SUPT3H: variants seen among roughly 807,000 people sequenced by gnomAD.
The protein encoded by SUPT3H is SPT3 homolog, SAGA and STAGA complex component, also known as transcription initiation protein SPT3 homolog.
A neutral mutation model predicts 44.3 loss-of-function variants in SUPT3H; 44 were observed. The ratio of observed to expected loss-of-function variants is 0.99; its 90% CI spans 0.78 to 1.28. SUPT3H has a LOEUF of 1.28. Ranked by LOEUF, SUPT3H falls within the 50% of genes most tolerant of loss-of-function variation. The pLI, the probability that SUPT3H is intolerant of heterozygous loss-of-function variation, is 0.00. For synonymous variants in SUPT3H, 124 were observed against 125.6 expected, an observed-to-expected ratio of 0.99 and a Z score of 0.09; for missense variants, 380 against 387.1, an observed-to-expected ratio of 0.98 and a Z score of 0.15.
chr6:44,849,625 T>G (rs1279163003), intron 10 of SUPT3H, among the ~76,000 whole-genome samples: 4 of 152,176 alleles, frequency 2.6e-5, no homozygotes, highest in Non-Finnish European at 4.4e-5. Flanking sequence ...TGAATTAGTC[T>G]TGCAGGAAGA....
chr6:45,342,275 T>C (rs1245802969), intron 2 of SUPT3H, among the ~76,000 whole-genome samples: 1 of 152,170 alleles, frequency 6.6e-6, no homozygotes, highest in East Asian at 1.9e-4. Flanking sequence ...TCTCAATTTT[T>C]TTTTTGAGAC....
At chr6:44,931,354 ATTTT>A (rs1451709858) in intron 10 of SUPT3H, among the ~76,000 whole-genome samples, 3 of 151,814 alleles carry the variant, frequency 2.0e-5, no homozygotes, top group Non-Finnish European at 4.4e-5. Flanking sequence ...TGGATTTGAT[ATTTT>A]TAATCTTTCA....
At chr6:44,930,031 T>G in intron 10 of SUPT3H, among the ~76,000 whole-genome samples, 1 of 151,900 alleles carries the variant, frequency 6.6e-6, no homozygotes, top group East Asian at 1.9e-4. Context: ...GTGGATCACC[T>G]GAGGTCAGGA....
chr6:45,033,424 A>G (rs552337185), intron 3 of SUPT3H, among the ~76,000 whole-genome samples: 122 of 152,254 alleles, frequency 8.0e-4, no homozygotes, highest in African/African-American at 2.8e-3. Context: ...CTGAGAAAGG[A>G]AATTATGCTA....
At position 44,944,114 on chromosome 6, in the gene SUPT3H, A is replaced by C. The variant is rs540703416; in HGVS notation, c.801+9196T>G. ...TATGGCTTATAATATATATAGATGTAGTATGCATGACAATTATAGCATAAA... is the reference window on the plus strand; with the variant it reads ...TATGGCTTATAATATATATAGATGTCGTATGCATGACAATTATAGCATAAA... On this transcript the variant is annotated intron_variant, in intron 9 of 10. Coordinates refer to ENST00000371459, the MANE Select transcript of SUPT3H (RefSeq NM_003599.4). 4.4e-4 allele frequency among the ~76,000 whole-genome samples: 67 copies of C among 152,236 alleles called. No individual in the cohort carries two copies. In the South Asian group the frequency reaches 0.014, roughly 32 times the overall value.
rs543067883 is a variant in SUPT3H, at chr6:45,095,855, C to T, written c.186+10067G>A. On this transcript the variant is annotated intron_variant, in intron 3 of 10. Coordinates refer to ENST00000371459, the MANE Select transcript of SUPT3H (RefSeq NM_003599.4). This position sits in a 1 kb window ranked among gnomAD's most constrained non-coding sequence, Gnocchi z 4.1. ...TACTTCAAATGTGATTTAACTCAACCTGGAAAGTGAGGAGTAAGGAAGCTT... is the reference window on the plus strand; with the variant it reads ...TACTTCAAATGTGATTTAACTCAACTTGGAAAGTGAGGAGTAAGGAAGCTT... Among the ~76,000 whole-genome samples the T allele has an allele frequency of 3.9e-5, 6 of 152,206 alleles. No individual in the cohort carries two copies. Among genetic ancestry groups the T allele is most frequent in the African/African-American group, 1.4e-4 (6 of 41,552 alleles).
chr6:45,117,310 C>T (rs1354058658), intron 2 of SUPT3H, among the ~76,000 whole-genome samples: 2 of 152,026 alleles, frequency 1.3e-5, no homozygotes, highest in Non-Finnish European at 2.9e-5. Flanking sequence ...ATATAACTCT[C>T]CATCTCATCC....
At chr6:45,219,794 A>C (rs904205681) in intron 2 of SUPT3H, among the ~76,000 whole-genome samples, 6 of 152,048 alleles carry the variant, frequency 3.9e-5, no homozygotes, top group Non-Finnish European at 7.4e-5. Context: ...TAATCCCAGC[A>C]CTTTGGGAGG....
intron 2 of SUPT3H, among the ~76,000 whole-genome samples, chr6:45,339,369 T>C (rs778400653): frequency 1.3e-5 from 2 of 152,186 alleles, no homozygotes; most frequent in Non-Finnish European, 2.9e-5. Context: ...TGTGAGCCAA[T>C]AGATAGCCAA....
chr6:45,173,729 A>G (rs1811215505), intron 2 of SUPT3H, among the ~76,000 whole-genome samples: 1 of 152,242 alleles, frequency 6.6e-6, no homozygotes, highest in African/African-American at 2.4e-5. Flanking sequence ...AAAAGGCCAC[A>G]TACATACTTC....
At chr6:44,972,846 G>A (rs1464639924) in intron 6 of SUPT3H, among the ~76,000 whole-genome samples, 1 of 152,120 alleles carries the variant, frequency 6.6e-6, no homozygotes, top group Non-Finnish European at 1.5e-5. Flanking sequence ...GGGACACAGG[G>A]CACCAATTCC....
At chr6:44,958,115 TAACA>T (rs1302016470) in intron 7 of SUPT3H, among the ~76,000 whole-genome samples, 1 of 152,184 alleles carries the variant, frequency 6.6e-6, no homozygotes. Context: ...GGAAATTGAC[TAACA>T]AACAGAATCC....
intron 2 of SUPT3H, among the ~76,000 whole-genome samples, chr6:45,343,232 G>T (rs932497113): frequency 1.3e-5 from 2 of 151,960 alleles, no homozygotes; most frequent in Non-Finnish European, 2.9e-5. Flanking sequence ...AATCTCAGCC[G>T]GGTGCAGTGG....
chr6:45,206,053 T>G lies in SUPT3H; in HGVS notation c.102-100047A>C, dbSNP rs200899589. 7.2e-5 allele frequency among the ~76,000 whole-genome samples: 11 copies of G among 152,318 alleles called. No individual in the cohort carries two copies. The East Asian group carries it at 2.1e-3, about 29-fold the overall frequency. On this transcript the variant is annotated intron_variant, in intron 2 of 10. Coordinates refer to ENST00000371459, the MANE Select transcript of SUPT3H (RefSeq NM_003599.4). Reference sequence around the variant, plus strand: ...AAAATTTGACATTCCATTATATTAATTTTTAGCTATGTATCTATGCAGTAT... The same window carrying G: ...AAAATTTGACATTCCATTATATTAAGTTTTAGCTATGTATCTATGCAGTAT...
chr6:45,293,975 A>T (rs540330717), intron 2 of SUPT3H, among the ~76,000 whole-genome samples: 5 of 152,302 alleles, frequency 3.3e-5, no homozygotes, highest in African/African-American at 1.2e-4. Flanking sequence ...ACCCTCCCTA[A>T]ATCATTCTAT....
chr6:45,073,820 A>G (rs1794682570), intron 3 of SUPT3H, among the ~76,000 whole-genome samples: 1 of 152,010 alleles, frequency 6.6e-6, no homozygotes, highest in South Asian at 2.1e-4. Flanking sequence ...AGGTGAGAAT[A>G]GGAGGAGGGA....
chr6:45,320,219 G>T (rs1022979008), intron 2 of SUPT3H, among the ~76,000 whole-genome samples: 1 of 151,904 alleles, frequency 6.6e-6, no homozygotes, highest in Non-Finnish European at 1.5e-5. Flanking sequence ...AGTCATTCTT[G>T]CCTGTTCTAT....
At chr6:45,274,368 G>C (rs1261065234) in intron 2 of SUPT3H, among the ~76,000 whole-genome samples, 4 of 152,068 alleles carry the variant, frequency 2.6e-5, no homozygotes, top group Non-Finnish European at 1.5e-5. Flanking sequence ...AGGTCATTGT[G>C]TTATATCTAA....
At chr6:44,936,628 T>C (rs551273544) in intron 9 of SUPT3H, among the ~76,000 whole-genome samples, 1 of 152,216 alleles carries the variant, frequency 6.6e-6, no homozygotes, top group South Asian at 2.1e-4. Flanking sequence ...CATAAGATGA[T>C]TGCCTCTAGT....
Sources: gnomAD v4.1 joint callset for allele counts (sites outside exome capture counted in the v4.1 genomes callset) on GRCh38, gnomAD v4.1.1 for gene constraint, Gnocchi (gnomAD v3.1) non-coding constraint, MANE v1.5 for transcripts, NCBI Gene and HGNC (gene_info 2026-07-23, HGNC 2026-07-21) for gene names.